The following ANKFY1 variants were observed in gnomAD, a reference collection of about 807,000 sequenced individuals.
ANKFY1 encodes ankyrin repeat and FYVE domain containing 1.
A neutral mutation model predicts 128.3 loss-of-function variants in ANKFY1; 47 were observed. The observed-to-expected ratio is 0.37, with a 90% confidence interval of 0.29 to 0.47. The LOEUF (loss-of-function observed/expected upper bound fraction) is 0.47, where lower values mean the gene tolerates loss of function less well. ANKFY1 is among the 20% of genes least tolerant of loss of function. The pLI is 1.00. For synonymous variants in ANKFY1, 553 were observed against 601.6 expected (o/e 0.92, Z 1.18); for missense variants, 1,222 against 1,510.6 (o/e 0.81, Z 3.17).
intron 3 of ANKFY1, among the ~76,000 whole-genome samples, chr17:4,234,319 A>G (rs569262295): frequency 6.6e-6 from 1 of 152,284 alleles, no homozygotes; most frequent in East Asian, 1.9e-4. Flanking sequence ...TTAAATTAAA[A>G]TTTTGCTCTT....
intron 1 of ANKFY1, among the ~76,000 whole-genome samples, chr17:4,262,625 T>G (rs1250847628): frequency 6.6e-6 from 1 of 152,042 alleles, no homozygotes; most frequent in Non-Finnish European, 1.5e-5. Flanking sequence ...CGAGCGCCCC[T>G]GGTCCCAGCT....
intron 3 of ANKFY1, chr17:4,222,455 A>C (rs1343466702): frequency 1.2e-6 from 1 of 811,962 alleles, no homozygotes; most frequent in Non-Finnish European, 2.2e-6. Flanking sequence ...CTGGGATTCC[A>C]AGCGGACAAT....
At chr17:4,235,070 C>T (rs1019241892) in intron 3 of ANKFY1, among the ~76,000 whole-genome samples, 6 of 152,040 alleles carry the variant, frequency 3.9e-5, no homozygotes, top group African/African-American at 9.7e-5. Flanking sequence ...TGGCCAGACA[C>T]GGTGGCTCAC....
intron 1 of ANKFY1, among the ~76,000 whole-genome samples, chr17:4,258,268 G>A (rs907915080): frequency 1.6e-4 from 25 of 152,328 alleles, no homozygotes; most frequent in African/African-American, 6.0e-4. Context: ...GCTCACGCCT[G>A]TAATCCCAGC....
At chr17:4,202,775 T>C (rs1304607822) in intron 7 of ANKFY1, among the ~76,000 whole-genome samples, 3 of 141,428 alleles carry the variant, frequency 2.1e-5, no homozygotes, top group African/African-American at 7.9e-5. Context: ...AAATGTATAA[T>C]ACACCAAACA....
intron 13 of ANKFY1, 59 bp downstream of exon 13, chr17:4,183,753 C>T (rs1598028440): frequency 1.6e-5 from 24 of 1,532,760 alleles, no homozygotes; most frequent in South Asian, 6.7e-5. Context: ...CTGTCCCACC[C>T]GGCCCCACTT....
At chr17:4,186,310 G>C (rs80286251) in intron 11 of ANKFY1, 7,991 of 152,682 alleles carry the variant, frequency 0.052, 442 homozygotes, top group African/African-American at 0.14. Context: ...ACTCTCCAAG[G>C]CTTCTTGTAA....
rs908696253 is a variant in ANKFY1, at chr17:4,183,495, T to G, written c.1855A>C (p.Met619Leu). 1 of 1,613,262 alleles carries G rather than the reference T, an allele frequency of 6.2e-7. No homozygotes were observed. The highest frequency in any genetic ancestry group is 1.7e-5 in the Admixed American group (1 of 60,018). The change falls in exon 14 of 25, where the codon ATG (methionine) becomes CTG (leucine). Residue 619 changes from methionine (M) to leucine (L), a missense_variant. Coordinates refer to ENST00000341657, the MANE Select transcript of ANKFY1 (RefSeq NM_001330063.2). ...TGCAGTAGCGTCTGCCCATCCGACA[T>G]GGTGTCATTGATGGCGGCTCCAGAG... ...LGSGAAINDTMSDGQTLLHMA... is the reference protein window; with the variant it reads ...LGSGAAINDTLSDGQTLLHMA...
chr17:4,262,048 G>A lies in ANKFY1; in HGVS notation c.10+1884C>T, dbSNP rs191683327. On this transcript the variant is annotated intron_variant, in intron 1 of 24. Coordinates refer to ENST00000341657, the MANE Select transcript of ANKFY1 (RefSeq NM_001330063.2). ...TAAAGACAAAAACTGGGTGCCTGCC[G>A]GGCGCGATGGCTCATACCTGCAACC... is the stretch of plus-strand genomic sequence containing the variant. Among the ~76,000 whole-genome samples, 9 of 152,328 alleles carry A rather than the reference G, an allele frequency of 5.9e-5. No individual in the cohort carries two copies. In the South Asian group the frequency reaches 1.4e-3, roughly 25 times the overall value.
intron 3 of ANKFY1, among the ~76,000 whole-genome samples, chr17:4,218,888 G>GA (rs1289365863): frequency 2.7e-5 from 4 of 149,470 alleles, no homozygotes; most frequent in Non-Finnish European, 6.0e-5. Context: ...AAAAGAAAAA[G>GA]AAAAAAAAAT....
At chr17:4,217,561 T>TCAGCA (rs1161822656) in intron 3 of ANKFY1, among the ~76,000 whole-genome samples, 1 of 152,084 alleles carries the variant, frequency 6.6e-6, no homozygotes, top group African/African-American at 2.4e-5. Context: ...AAAAGGTGAC[T>TCAGCA]CAGCAGTCTG....
At chr17:4,241,471 G>A (rs1183980109) in intron 2 of ANKFY1, among the ~76,000 whole-genome samples, 2 of 151,208 alleles carry the variant, frequency 1.3e-5, no homozygotes, top group Admixed American at 6.6e-5. Flanking sequence ...TTGTAGAGAC[G>A]GGGTTTCACC....
intron 3 of ANKFY1, among the ~76,000 whole-genome samples, chr17:4,229,787 G>A (rs1242852366): frequency 6.6e-6 from 1 of 152,178 alleles, no homozygotes. Flanking sequence ...GGCCGCTAAC[G>A]TTCCCCCAAA....
intron 2 of ANKFY1, among the ~76,000 whole-genome samples, chr17:4,240,096 G>A (rs1339074379): frequency 5.5e-5 from 7 of 126,844 alleles, no homozygotes; most frequent in East Asian, 2.3e-4. Context: ...ACAGGGTCTC[G>A]CCCTGTTGCC....
intron 7 of ANKFY1, among the ~76,000 whole-genome samples, chr17:4,197,913 T>C (rs952322798): frequency 2.6e-5 from 4 of 152,124 alleles, no homozygotes; most frequent in African/African-American, 7.2e-5. Context: ...GCGGATCACC[T>C]GGGGTCGGGA....
At chr17:4,209,314 G>C (rs952686176) in intron 5 of ANKFY1, among the ~76,000 whole-genome samples, 1 of 152,098 alleles carries the variant, frequency 6.6e-6, no homozygotes. Context: ...TTTTTGGGGG[G>C]GCGGGAGACG....
At chr17:4,171,894 C>T (rs2059326910) in intron 22 of ANKFY1, among the ~76,000 whole-genome samples, 1 of 152,338 alleles carries the variant, frequency 6.6e-6, no homozygotes. Context: ...CACAGCTGCG[C>T]AGAGGGCTCT....
Position 4,169,210 on chromosome 17 carries a change from C to T in ANKFY1, c.3365G>A (p.Arg1122His). The T allele has an allele frequency of 6.4e-7, 1 of 1,552,340 alleles. No individual in the cohort carries two copies. Residue 1122 changes from arginine to histidine, a missense_variant, in exon 24 of 25, where the codon CGC becomes CAC. By Grantham distance (29) the Arg-to-His change is conservative. Transcript: ENST00000341657. This position sits in a 1 kb window ranked among gnomAD's most constrained non-coding sequence, Gnocchi z 5.0. The part of the protein sequence containing the change: ...ECTARFGVTT[R>H]KHHCRHCGRL... ...GCTGGGGTCTTACCAGTGGTGTTTG[C>T]GAGTGGTGACTCCGAACCTGGCAGT... is the stretch of plus-strand genomic sequence containing the variant.
At chr17:4,171,688 G>A (rs763947047) in intron 22 of ANKFY1, among the ~76,000 whole-genome samples, 1 of 152,184 alleles carries the variant, frequency 6.6e-6, no homozygotes, top group African/African-American at 2.4e-5. Context: ...AGTACGTGCT[G>A]CTCACTCCCT....
Sources: gnomAD v4.1 joint callset for allele counts (sites outside exome capture counted in the v4.1 genomes callset) on GRCh38, gnomAD v4.1.1 for gene constraint, Gnocchi (gnomAD v3.1) non-coding constraint, MANE v1.5 for transcripts, NCBI Gene and HGNC (gene_info 2026-07-23, HGNC 2026-07-21) for gene names.